CYP4F22: variants seen among roughly 807,000 people sequenced by gnomAD.
The protein encoded by CYP4F22 is ultra-long-chain fatty acid omega-hydroxylase.
In CYP4F22, 37 loss-of-function variants were observed where a neutral mutation model predicts 60.4. That is an observed-to-expected ratio of 0.61 (90% CI 0.47 to 0.81). The LOEUF is 0.81. Ranked by LOEUF, CYP4F22 falls within the 30% of genes least tolerant of loss-of-function variation. The pLI, the probability that CYP4F22 is intolerant of heterozygous loss-of-function variation, is 0.00. For missense variants in CYP4F22, 655 were observed against 715.0 expected (o/e 0.92, Z 0.96); for synonymous variants, 258 against 280.5 (o/e 0.92, Z 0.80).
intron 7 of CYP4F22, among the ~76,000 whole-genome samples, chr19:15,538,438 A>G (rs1171744229): frequency 6.6e-6 from 1 of 152,210 alleles, no homozygotes; most frequent in Non-Finnish European, 1.5e-5. Flanking sequence ...CACATAGTTG[A>G]TGCTCAGAGA....
At chr19:15,516,043 A>T (rs1971151310) in intron 1 of CYP4F22, 1 of 152,166 alleles carries the variant, frequency 6.6e-6, no homozygotes, top group Admixed American at 6.5e-5. Context: ...CTTGAAAAAT[A>T]AAAAAGAAAA....
chr19:15,531,828 C>T (rs1270278612), intron 4 of CYP4F22, among the ~76,000 whole-genome samples: 1 of 151,982 alleles, frequency 6.6e-6, no homozygotes, highest in Non-Finnish European at 1.5e-5. Flanking sequence ...TAAGAGGCCA[C>T]GTGCAGTGAC....
At chr19:15,537,298 A>G (rs1404120468) in intron 4 of CYP4F22, 63 bp from the exon 5 acceptor site, 5 of 1,574,522 alleles carry the variant, frequency 3.2e-6, no homozygotes, top group Non-Finnish European at 4.4e-6. Flanking sequence ...AAGACTCCGT[A>G]AAAAAAAACA....
intron 8 of CYP4F22, among the ~76,000 whole-genome samples, chr19:15,541,769 A>G (rs966334388): frequency 1.3e-5 from 2 of 150,450 alleles, no homozygotes; most frequent in East Asian, 3.9e-4. Context: ...AATCCCAGCT[A>G]CTCGGGAGGT....
rs776425621 is a variant in CYP4F22 at position 15,551,345 on chromosome 19, A to G, written c.1470A>G (p.Ala490=). The G allele has an allele frequency of 6.2e-7, 1 of 1,613,598 alleles. No individual in the cohort carries two copies. The highest frequency in any genetic ancestry group is 2.2e-5 in the East Asian group (1 of 44,856). ...FAMAELRVVV[A]LTLLRFRLSV... ...TGGCCGAGTTGCGCGTGGTTGTGGC[A>G]CTAACACTGCTACGTTTCCGCCTGA... Residue 490 remains alanine (A), a synonymous_variant, in exon 14 of 14, where the codon GCA becomes GCG. Transcript: ENST00000269703.
Position 15,541,880 on chromosome 19 carries a change from A to G in CYP4F22, c.939+1163A>G, listed in dbSNP as rs945408263. Reference sequence around the variant, plus strand: ...AACTCCGTCTCAAAAAAAAAAAAAAAAAAGAAAAAAAAGAAATACATGACC... The same window carrying G: ...AACTCCGTCTCAAAAAAAAAAAAAAGAAAGAAAAAAAAGAAATACATGACC... On this transcript the variant is annotated intron_variant, in intron 8 of 13. Transcript: ENST00000269703. Among the ~76,000 whole-genome samples the G allele has an allele frequency of 4.6e-5, 7 of 151,852 alleles. No individual in the cohort carries two copies. The South Asian group carries it at 8.3e-4, about 18-fold the overall frequency.
chr19:15,525,393 C>G lies in CYP4F22; in HGVS notation c.57C>G (p.Phe19Leu), dbSNP rs1488341682. ...LHLLGLEKTA[F>L]RIYAVSTLLL... ...TCCTGGGGCTGGAGAAGACGGCGTT[C>G]CGCATATACGCGGTGTCCACCCTTC... is the stretch of plus-strand genomic sequence containing the variant. The change falls in exon 3 of 14, where the codon TTC (phenylalanine) becomes TTG (leucine). Residue 19 changes from phenylalanine (F) to leucine (L), a missense_variant. Transcript: ENST00000269703. 2 of 1,614,176 alleles carry G rather than the reference C, an allele frequency of 1.2e-6. No individual in the cohort carries two copies. The highest frequency in any genetic ancestry group is 1.3e-5 in the African/African-American group (1 of 75,056).
At chr19:15,518,006 G>A (rs1971174793) in intron 1 of CYP4F22, among the ~76,000 whole-genome samples, 1 of 152,128 alleles carries the variant, frequency 6.6e-6, no homozygotes, top group African/African-American at 2.4e-5. Flanking sequence ...GGCATCAACA[G>A]GGGTAAGCCA....
intron 10 of CYP4F22, 90 bp from the exon 11 acceptor site, chr19:15,548,018 T>G: frequency 2.7e-6 from 3 of 1,111,012 alleles, no homozygotes; most frequent in Non-Finnish European, 4.0e-6. Flanking sequence ...TGTGTGTGTG[T>G]GTGTGTGTGT....
At chr19:15,515,402 G>T in intron 1 of CYP4F22, 1 of 1,229,478 alleles carries the variant, frequency 8.1e-7, no homozygotes, top group Non-Finnish European at 1.2e-6. Flanking sequence ...GTACTTTGTT[G>T]GTCCAACTCA....
At chr19:15,545,648 C>CAAAAAAAAAAAAAA (rs1217096575) in intron 10 of CYP4F22, among the ~76,000 whole-genome samples, 8 of 38,942 alleles carry the variant, frequency 2.1e-4, no homozygotes, top group Non-Finnish European at 2.8e-4. Flanking sequence ...GACCCTGTCT[C>CAAAAAAAAAAAAAA]AAAAAAAAAA....
chr19:15,534,658 G>A (rs1267955123), intron 4 of CYP4F22, among the ~76,000 whole-genome samples: 18 of 152,076 alleles, frequency 1.2e-4, no homozygotes, highest in African/African-American at 1.9e-4. Flanking sequence ...GGTGAGGAGC[G>A]TGGACACAGA....
At chr19:15,548,765 T>C (rs1013030121) in intron 11 of CYP4F22, among the ~76,000 whole-genome samples, 3 of 151,832 alleles carry the variant, frequency 2.0e-5, no homozygotes, top group Non-Finnish European at 4.4e-5. Flanking sequence ...AGAGTGAGCA[T>C]GTTTATGGAG....
chr19:15,540,741 G>C lies in CYP4F22; in HGVS notation c.939+24G>C, dbSNP rs757770454. The stretch of plus-strand genomic sequence containing the variant: ...GGGTGAGGCTGGGCCCCCTGGAATT[G>C]CTGGCCTCCCGAGGGCTGGCCTCCC... On this transcript the variant is annotated intron_variant, in intron 8 of 13. Transcript: ENST00000269703. The C allele has an allele frequency of 6.1e-6, 9 of 1,480,372 alleles. No homozygotes were observed. In the East Asian group the frequency reaches 2.3e-4, roughly 37 times the overall value. The allele number at this position is 1,480,372 out of a possible 1,614,324, so 91.7% of individuals were successfully genotyped here.
At chr19:15,538,040 C>G (rs1396575521) in intron 7 of CYP4F22, 47 bp downstream of exon 7, 1 of 1,612,370 alleles carries the variant, frequency 6.2e-7, no homozygotes. Context: ...GCTCTAGGAG[C>G]AAGATGGTGG....
Position 15,549,680 on chromosome 19 carries a change from G to A in CYP4F22, c.1335+478G>A, listed in dbSNP as rs573811330. On this transcript the variant is annotated intron_variant, in intron 12 of 13. Transcript: ENST00000269703. Reference sequence around the variant, plus strand: ...CCCCATCTCTACCAAAAAGGAAAAAGTTGGCCCAATGTGGTGGCTTGTGTC... The same window carrying A: ...CCCCATCTCTACCAAAAAGGAAAAAATTGGCCCAATGTGGTGGCTTGTGTC... Among the ~76,000 whole-genome samples the A allele has an allele frequency of 2.0e-5, 3 of 151,706 alleles. No homozygotes were observed. In the South Asian group the frequency reaches 6.3e-4, roughly 32 times the overall value.
At chr19:15,524,389 C>T (rs907680034) in intron 2 of CYP4F22, among the ~76,000 whole-genome samples, 3 of 152,098 alleles carry the variant, frequency 2.0e-5, no homozygotes, top group African/African-American at 4.8e-5. Flanking sequence ...GTAGCTCATG[C>T]GTGTAATCCC....
At chr19:15,520,362 C>A (rs12610892) in intron 1 of CYP4F22, among the ~76,000 whole-genome samples, 25,868 of 134,462 alleles carry the variant, frequency 0.19, 3,176 homozygotes, top group East Asian at 0.61. Context: ...AAAAAAAAAA[C>A]AAAAACTAAA....
Position 15,510,923 on chromosome 19 carries a change from A to C in CYP4F22, c.-109+2340A>C, listed in dbSNP as rs941181474. Reference sequence around the variant, plus strand: ...GGTTTGAGCCCAGGACTTTGAGACCAGCCTGGGGAATATAGGGATACCATA... The same window carrying C: ...GGTTTGAGCCCAGGACTTTGAGACCCGCCTGGGGAATATAGGGATACCATA... On this transcript the variant is annotated intron_variant, in intron 1 of 13. Coordinates refer to ENST00000269703, the MANE Select transcript of CYP4F22 (RefSeq NM_173483.4). 2.0e-5 allele frequency among the ~76,000 whole-genome samples: 3 copies of C among 148,034 alleles called. No individual in the cohort carries two copies. In the Admixed American group the frequency reaches 2.0e-4, roughly 10 times the overall value.
Sources: gnomAD v4.1 joint callset for allele counts (sites outside exome capture counted in the v4.1 genomes callset) on GRCh38, gnomAD v4.1.1 for gene constraint, MANE v1.5 for transcripts, NCBI Gene and HGNC (gene_info 2026-07-23, HGNC 2026-07-21) for gene names.